Variants in RBM24 observed in about 807,000 individuals in gnomAD.
The protein encoded by RBM24 is RNA-binding protein 24.
A neutral mutation model predicts 23.6 loss-of-function variants in RBM24; 5 were observed. That is an observed-to-expected ratio of 0.21 (90% CI 0.11 to 0.45). RBM24 has a LOEUF of 0.45. Ranked by LOEUF, RBM24 falls within the 20% of genes least tolerant of loss-of-function variation. The pLI is 0.99. For missense variants in RBM24, 252 were observed against 314.6 expected (o/e 0.80, Z 1.51); for synonymous variants, 151 against 129.5 (o/e 1.17, Z -1.13).
At position 17,281,493 on chromosome 6, in the gene RBM24, T is replaced by TGCGG; in HGVS notation, c.-87_-84dup. The stretch of plus-strand genomic sequence containing the variant: ...TTGGCCCCCGGCGGCCGCGAAAGGG[T>TGCGG]GCGGGAGACGCGGAGCCGGAGGAGG... On this transcript the variant is annotated 5_prime_UTR_variant, in exon 1 of 4. Coordinates refer to ENST00000379052, the MANE Select transcript of RBM24 (RefSeq NM_001143942.2). The surrounding 1 kb of genome is among the most constrained non-coding windows in gnomAD (Gnocchi z 7.1). 7.8e-7 allele frequency: 1 copy of TGCGG among 1,277,454 alleles called. No homozygotes were observed. Among genetic ancestry groups the TGCGG allele is most frequent in the Non-Finnish European group, 1.0e-6 (1 of 990,816 alleles). The allele number at this position is 1,277,454 out of a possible 1,614,324, so 79.1% of individuals were successfully genotyped here. A position where few individuals can be genotyped will look rare whatever the true frequency, so the allele number is the denominator to read the frequency against.
At chr6:17,286,464 T>A (rs1760201917) in intron 3 of RBM24, among the ~76,000 whole-genome samples, 1 of 152,174 alleles carries the variant, frequency 6.6e-6, no homozygotes, top group Non-Finnish European at 1.5e-5. Flanking sequence ...TAAAATTGAA[T>A]CAATCAACAG....
At position 17,292,044 on chromosome 6, in the gene RBM24, C is replaced by T. The variant is rs572440984; in HGVS notation, c.636C>T (p.Ala212=). The change falls in exon 4 of 4, where the codon GCC becomes GCT. Residue 212 remains alanine (A), a synonymous_variant. Coordinates refer to ENST00000379052, the MANE Select transcript of RBM24 (RefSeq NM_001143942.2). ...CGGCACCTGGGACAGCTGCCGCCGCCGCTGCAGCAGCTGCTGCCGCTGCAG... is the reference window on the plus strand; with the variant it reads ...CGGCACCTGGGACAGCTGCCGCCGCTGCTGCAGCAGCTGCTGCCGCTGCAG... ...TAAAPGTAAA[A]AAAAAAAAAF... 6 of 1,595,734 alleles carry T rather than the reference C, an allele frequency of 3.8e-6. No individual in the cohort carries two copies. Among genetic ancestry groups the T allele is most frequent in the Non-Finnish European group, 5.1e-6 (6 of 1,175,388 alleles).
chr6:17,285,394 T>A lies in RBM24; in HGVS notation c.347+683T>A, dbSNP rs1337003525. Among the ~76,000 whole-genome samples, 3 of 152,096 alleles carry A rather than the reference T, an allele frequency of 2.0e-5. No individual in the cohort carries two copies. The East Asian group carries it at 5.8e-4, about 29-fold the overall frequency. On this transcript the variant is annotated intron_variant, in intron 3 of 3. Coordinates refer to ENST00000379052, the MANE Select transcript of RBM24 (RefSeq NM_001143942.2). ...GGTGGTGTTGAGGGGTGTTGACTTT[T>A]GACTTTGCCATGGGAAGCAAAGGGC...
In RBM24 at chr6:17,292,015, G is replaced by T. The variant is rs772282132; in HGVS notation, c.607G>T (p.Ala203Ser). The T allele has an allele frequency of 6.2e-7, 1 of 1,603,422 alleles. No individual in the cohort carries two copies. The highest frequency in any genetic ancestry group is 8.5e-7 in the Non-Finnish European group (1 of 1,178,348). The part of the protein sequence containing the change: ...YGYAVQQPIT[A>S]AAPGTAAAAA... ...CTACGCAGTCCAGCAGCCAATCACC[G>T]CAGCGGCACCTGGGACAGCTGCCGC... The change falls in exon 4 of 4, where the codon GCA becomes TCA. Residue 203 changes from alanine (A) to serine (S), a missense_variant. Transcript: ENST00000379052.
intron 3 of RBM24, chr6:17,284,932 T>C: frequency 2.5e-6 from 1 of 404,660 alleles, no homozygotes; most frequent in Non-Finnish European, 4.4e-6. Flanking sequence ...ATTTTGAGCT[T>C]ATGATTAGCA....
intron 3 of RBM24, among the ~76,000 whole-genome samples, chr6:17,286,145 C>T (rs1250075575): frequency 6.6e-6 from 1 of 151,352 alleles, no homozygotes; most frequent in Admixed American, 6.6e-5. Context: ...CTCCTTACAA[C>T]TCTAACATAT....
intron 3 of RBM24, among the ~76,000 whole-genome samples, chr6:17,291,312 TA>T (rs150001888): frequency 0.032 from 4,878 of 152,250 alleles, 125 homozygotes; most frequent in East Asian, 0.13. Flanking sequence ...AGTGAATAAT[TA>T]TGGACTACCT....
In RBM24 at chr6:17,281,965, CG is replaced by C; in HGVS notation, c.168+221del. On this transcript the variant is annotated intron_variant, in intron 1 of 3. Transcript: ENST00000379052. The surrounding 1 kb of genome is among the most constrained non-coding windows in gnomAD (Gnocchi z 7.1). ...GAGAAGACCCAGCGCTGTGCGAGGT[CG>C]GGGGCCGGGCAGGGCAGAGCAGGGG... 6 of 1,368,612 alleles carry C rather than the reference CG, an allele frequency of 4.4e-6. No homozygotes were observed. The highest frequency in any genetic ancestry group is 1.5e-5 in the South Asian group (1 of 65,964). 84.8% of individuals were successfully genotyped at this position (1,368,612 alleles called of 1,614,324 possible). A position where few individuals can be genotyped will look rare whatever the true frequency, so the allele number is the denominator to read the frequency against.
rs1381968038 is a variant in RBM24, at chr6:17,281,865, G to C, written c.168+116G>C. On this transcript the variant is annotated intron_variant, in intron 1 of 3. Coordinates refer to ENST00000379052, the MANE Select transcript of RBM24 (RefSeq NM_001143942.2). This position sits in a 1 kb window ranked among gnomAD's most constrained non-coding sequence, Gnocchi z 7.1. ...CCGTGAGGAGCCCCGCGGGTAGAGC[G>C]GCGCTGCCCCTTCGCTCCGGGGTGA... The C allele has an allele frequency of 7.9e-6, 11 of 1,395,524 alleles. No individual in the cohort carries two copies. The highest frequency in any genetic ancestry group is 2.4e-5 in the Admixed American group (1 of 41,174). 86.4% of individuals were successfully genotyped at this position (1,395,524 alleles called of 1,614,324 possible).
In RBM24 at chr6:17,284,679, A is replaced by G. The variant is rs776528557; in HGVS notation, c.315A>G (p.Gln105=). The part of the protein sequence containing the change: ...MQPGFAFGVQ[Q]LHPALIQRPF... ...TAGGTTTTGCCTTTGGTGTTCAACAACTTCATCCAGCCCTTATACAAAGAC... is the reference window on the plus strand; with the variant it reads ...TAGGTTTTGCCTTTGGTGTTCAACAGCTTCATCCAGCCCTTATACAAAGAC... Residue 105 remains glutamine, a synonymous_variant, in exon 3 of 4, where the codon CAA becomes CAG. Coordinates refer to ENST00000379052, the MANE Select transcript of RBM24 (RefSeq NM_001143942.2). 6.2e-7 allele frequency: 1 copy of G among 1,612,234 alleles called. No individual in the cohort carries two copies. The highest frequency in any genetic ancestry group is 1.1e-5 in the South Asian group (1 of 90,538).
intron 3 of RBM24, among the ~76,000 whole-genome samples, chr6:17,285,632 A>G (rs1760172492): frequency 1.3e-5 from 2 of 152,230 alleles, no homozygotes; most frequent in African/African-American, 4.8e-5. Context: ...TAAAGGTTCA[A>G]CAACTCTCAT....
chr6:17,288,921 T>G (rs994968657), intron 3 of RBM24: 32 of 985,130 alleles, frequency 3.2e-5, no homozygotes, highest in Non-Finnish European at 3.7e-5. Flanking sequence ...TGAGATGGAG[T>G]ATTTGTCATC....
rs1453699863 is a variant in RBM24, at chr6:17,291,819, C to G, written c.411C>G (p.Val137=). The stretch of plus-strand genomic sequence containing the variant: ...AGCCGGGAGTGGTCATTCCACACGT[C>G]CAGCCGACAGCAGCTGCCGCCTCCA... ...FVQPGVVIPH[V]QPTAAAASTT... Residue 137 remains valine (V), a synonymous_variant, in exon 4 of 4, where the codon GTC becomes GTG. Transcript: ENST00000379052. 6.2e-7 allele frequency: 1 copy of G among 1,614,136 alleles called. No individual in the cohort carries two copies. The highest frequency in any genetic ancestry group is 1.1e-5 in the South Asian group (1 of 91,068).
At chr6:17,285,072 T>G (rs1760153383) in intron 3 of RBM24, 2 of 166,534 alleles carry the variant, frequency 1.2e-5, no homozygotes, top group Non-Finnish European at 1.3e-5. Flanking sequence ...ACAGTTAAGC[T>G]AACTGATCAG....
At chr6:17,283,034 A>C in intron 2 of RBM24, 106 bp downstream of exon 2, 3 of 777,240 alleles carry the variant, frequency 3.9e-6, no homozygotes, top group Non-Finnish European at 6.4e-6. Flanking sequence ...AGATGTGTTT[A>C]GTAAACTTGA....
intron 3 of RBM24, among the ~76,000 whole-genome samples, chr6:17,290,275 C>A (rs1168974699): frequency 2.0e-5 from 3 of 152,202 alleles, no homozygotes; most frequent in African/African-American, 7.2e-5. Flanking sequence ...CCTTGTACTT[C>A]TTACAAGTTG....
At chr6:17,289,426 C>G in intron 3 of RBM24, 8 of 985,400 alleles carry the variant, frequency 8.1e-6, no homozygotes, top group Non-Finnish European at 9.6e-6. Flanking sequence ...GTCTGATAAT[C>G]CAGTGAACTT....
intron 3 of RBM24, among the ~76,000 whole-genome samples, chr6:17,286,863 T>C (rs540115620): frequency 1.2e-4 from 19 of 152,316 alleles, no homozygotes; most frequent in African/African-American, 3.8e-4. Flanking sequence ...GCATAGGAAT[T>C]TGGACTGATT....
intron 2 of RBM24, among the ~76,000 whole-genome samples, chr6:17,283,892 T>C (rs1760113432): frequency 6.6e-6 from 1 of 152,216 alleles, no homozygotes; most frequent in African/African-American, 2.4e-5. Flanking sequence ...TTTTTGTCTA[T>C]GGGAAAACAA....
Sources: allele counts gnomAD v4.1 joint callset (sites outside exome capture counted in the v4.1 genomes callset), GRCh38; gene constraint gnomAD v4.1.1; non-coding constraint Gnocchi (gnomAD v3.1); transcripts MANE v1.5; gene names NCBI Gene and HGNC (gene_info 2026-07-23, HGNC 2026-07-21).